The following CATSPERE variants were observed in gnomAD, a reference collection of about 807,000 sequenced individuals.
CATSPERE encodes cation channel sperm-associated auxiliary subunit epsilon.
In CATSPERE, 93 loss-of-function variants were observed where a neutral mutation model predicts 114.1. The observed-to-expected ratio is 0.81, with a 90% CI of 0.69 to 0.97. The LOEUF is 0.97. Ranked by LOEUF, CATSPERE falls within the 50% of genes least tolerant of loss-of-function variation. The pLI, the probability that CATSPERE is intolerant of heterozygous loss-of-function variation, is 0.00. For missense variants in CATSPERE, 1,058 were observed against 1,131.6 expected, an observed-to-expected ratio of 0.93 and a Z score of 0.93; for synonymous variants, 341 against 384.1, an observed-to-expected ratio of 0.89 and a Z score of 1.31.
At chr1:244,578,321 T>G (rs1665603413) in intron 11 of CATSPERE, among the ~76,000 whole-genome samples, 1 of 152,082 alleles carries the variant, frequency 6.6e-6, no homozygotes, top group Non-Finnish European at 1.5e-5. Context: ...CCCAGCTAAT[T>G]TTTGTATTTT....
intron 19 of CATSPERE, chr1:244,610,547 G>T (rs1437200341): frequency 1.5e-6 from 1 of 645,802 alleles, no homozygotes; most frequent in Admixed American, 2.3e-5. Flanking sequence ...TTTCACTGCT[G>T]TAAATATGTG....
At chr1:244,499,189 T>A (rs1242884434) in intron 7 of CATSPERE, 110 bp downstream of exon 7, 8 of 678,176 alleles carry the variant, frequency 1.2e-5, no homozygotes, top group Non-Finnish European at 1.8e-5. Context: ...TGCCCACACC[T>A]AACTAAATAC....
rs549192575 is a variant in CATSPERE, at chr1:244,476,603, G to A, written c.115-938G>A. On this transcript the variant is annotated intron_variant, in intron 2 of 21. Coordinates refer to ENST00000366534, the MANE Select transcript of CATSPERE (RefSeq NM_001130957.2). The stretch of plus-strand genomic sequence containing the variant: ...CCACCAGTTATAATCTCCATTTTCC[G>A]AGTTAAAACACCAAAGCAATCTTCA... Among the ~76,000 whole-genome samples, 19 of 151,988 alleles carry A rather than the reference G, an allele frequency of 1.3e-4. No homozygotes were observed. In the South Asian group the frequency reaches 2.5e-3, roughly 20 times the overall value.
intron 2 of CATSPERE, among the ~76,000 whole-genome samples, chr1:244,470,552 T>A (rs529562529): frequency 1.3e-5 from 2 of 152,238 alleles, no homozygotes; most frequent in Admixed American, 1.3e-4. Flanking sequence ...GGAACTCTTA[T>A]ATTGCTGTCA....
rs537308631 is a variant in CATSPERE, at chr1:244,494,780, A to G, written c.352-4222A>G. ...TGTAAGTCTCTAAAAGCAGCAACTT[A>G]CCAGAAAAAAAGAAGTAGTAAAAAA... On this transcript the variant is annotated intron_variant, in intron 6 of 21. Transcript: ENST00000366534. 9.2e-5 allele frequency among the ~76,000 whole-genome samples: 14 copies of G among 152,314 alleles called. No individual in the cohort carries two copies. The South Asian group carries it at 1.0e-3, about 11-fold the overall frequency.
intron 20 of CATSPERE, among the ~76,000 whole-genome samples, chr1:244,626,485 C>CAAAAA (rs35687880): frequency 6.0e-5 from 4 of 66,846 alleles, no homozygotes; most frequent in Non-Finnish European, 1.2e-4. Context: ...AATTCCATCT[C>CAAAAA]AAAAAAAAAA....
At chr1:244,553,283 C>G (rs75493970) in intron 9 of CATSPERE, among the ~76,000 whole-genome samples, 2 of 151,864 alleles carry the variant, frequency 1.3e-5, no homozygotes, top group South Asian at 4.1e-4. Flanking sequence ...TGTTGCTGGC[C>G]GGGCGCGGTG....
At chr1:244,636,003 C>T (rs1674588855) in intron 21 of CATSPERE, among the ~76,000 whole-genome samples, 1 of 152,188 alleles carries the variant, frequency 6.6e-6, no homozygotes, top group South Asian at 2.1e-4. Flanking sequence ...ACAGCCACTG[C>T]CTTCCTATCA....
chr1:244,577,758 T>C (rs898785492), intron 11 of CATSPERE, among the ~76,000 whole-genome samples: 2 of 152,184 alleles, frequency 1.3e-5, no homozygotes, highest in African/African-American at 2.4e-5. Context: ...ACATAAGTTT[T>C]AGAGGAACAC....
At chr1:244,458,514 GC>G (rs1666360097), upstream of CATSPERE, among the ~76,000 whole-genome samples, 2 of 152,066 alleles carry the variant, frequency 1.3e-5, no homozygotes. Flanking sequence ...TAAAAATTGT[GC>G]TATTGGAATG....
rs1678243853 is a variant in CATSPERE at position 244,524,805 on chromosome 1, G to A, written c.536+6107G>A. Reference sequence around the variant, plus strand: ...CACAATGAGATACCATCTCACACCAGTTAGAATGCCAATCATTAAAAAGTC... The same window carrying A: ...CACAATGAGATACCATCTCACACCAATTAGAATGCCAATCATTAAAAAGTC... On this transcript the variant is annotated intron_variant, in intron 8 of 21. Transcript: ENST00000366534. Among the ~76,000 whole-genome samples, 2 of 146,404 alleles carry A rather than the reference G, an allele frequency of 1.4e-5. 1 individual carries two copies. The highest frequency in any genetic ancestry group is 5.4e-5 in the African/African-American group (2 of 36,754).
upstream of CATSPERE, chr1:244,452,074 C>G (rs1014837217): frequency 3.1e-6 from 1 of 322,826 alleles, no homozygotes; most frequent in Non-Finnish European, 5.6e-6. Context: ...CTGGTGGCGG[C>G]AACGGCCGCC....
intron 7 of CATSPERE, among the ~76,000 whole-genome samples, chr1:244,508,340 A>G (rs796458891): frequency 2.8e-5 from 4 of 144,002 alleles, no homozygotes; most frequent in African/African-American, 5.1e-5. Flanking sequence ...TCACTCTGTC[A>G]CCCAGGTTGG....
intron 7 of CATSPERE, among the ~76,000 whole-genome samples, chr1:244,518,226 G>A (rs76457711): frequency 3.8e-3 from 574 of 152,194 alleles, no homozygotes; most frequent in African/African-American, 0.013. Context: ...CATTTTGAAG[G>A]CAGGCTCATG....
chr1:244,484,005 A>G (rs1300550616), intron 5 of CATSPERE, among the ~76,000 whole-genome samples: 1 of 152,154 alleles, frequency 6.6e-6, no homozygotes, highest in Non-Finnish European at 1.5e-5. Context: ...ATAGGAATTC[A>G]CTTTATTTTT....
At chr1:244,542,380 A>T (rs1441382579) in intron 8 of CATSPERE, among the ~76,000 whole-genome samples, 1 of 152,112 alleles carries the variant, frequency 6.6e-6, no homozygotes, top group African/African-American at 2.4e-5. Context: ...TGTTACACGG[A>T]TATATTGAGT....
intron 10 of CATSPERE, among the ~76,000 whole-genome samples, chr1:244,564,757 T>C (rs1287867936): frequency 1.3e-5 from 2 of 152,196 alleles, no homozygotes; most frequent in Non-Finnish European, 2.9e-5. Flanking sequence ...CTTGCCTGAT[T>C]GCCCTAGCCA....
intron 15 of CATSPERE, 90 bp from the exon 16 acceptor site, chr1:244,593,305 T>A: frequency 7.6e-7 from 1 of 1,310,688 alleles, no homozygotes; most frequent in East Asian, 2.3e-5. Context: ...GTTTGACCTT[T>A]GTGATACCTC....
intron 2 of CATSPERE, among the ~76,000 whole-genome samples, chr1:244,473,582 T>A (rs1668814535): frequency 6.6e-6 from 1 of 152,164 alleles, no homozygotes; most frequent in African/African-American, 2.4e-5. Flanking sequence ...AACAGTGTCT[T>A]TTACAGAGCA....
Sources: gnomAD v4.1 joint callset for allele counts (sites outside exome capture counted in the v4.1 genomes callset) on GRCh38, gnomAD v4.1.1 for gene constraint, MANE v1.5 for transcripts, NCBI Gene and HGNC (gene_info 2026-07-23, HGNC 2026-07-21) for gene names.